ILRUN: variants seen among roughly 807,000 people sequenced by gnomAD.
ILRUN encodes the protein protein ILRUN.
Under a neutral mutation model 33.8 loss-of-function variants are expected in ILRUN, and 3 were observed. The observed-to-expected ratio is 0.09, with a 90% CI of 0.04 to 0.23. The LOEUF (loss-of-function observed/expected upper bound fraction) is 0.23, where lower values mean the gene tolerates loss of function less well. Among genes scored for constraint, ILRUN ranks in the 10% least tolerant of loss-of-function variants. ILRUN has a pLI of 1.00. For synonymous variants in ILRUN, 124 were observed against 138.9 expected (o/e 0.89, Z 0.75); for missense variants, 210 against 375.1 (o/e 0.56, Z 3.64).
In ILRUN at chr6:34,588,305, T is replaced by G; in HGVS notation, c.*2260A>C. ...GAAGCAAGAGGAAGAGCAAGACGAC[T>G]CTGGCAGGCCCAGACCCACTGACGG... On this transcript the variant is annotated 3_prime_UTR_variant, in exon 5 of 5. Transcript: ENST00000374023. 1 of 398,446 alleles carries G rather than the reference T, an allele frequency of 2.5e-6. No individual in the cohort carries two copies. The highest frequency in any genetic ancestry group is 4.4e-6 in the Non-Finnish European group (1 of 226,088). 24.7% of individuals were successfully genotyped at this position (398,446 alleles called of 1,614,324 possible).
Position 34,664,104 on chromosome 6 carries a change from G to A in ILRUN, c.159-9325C>T, listed in dbSNP as rs146006010. ...TCAAAAGGAACAGAGTGTTGATGAC[G>A]CCATGATTTTAGTGCAGAGACCATT... is the stretch of plus-strand genomic sequence containing the variant. On this transcript the variant is annotated intron_variant, in intron 1 of 4. Transcript: ENST00000374023. Among the ~76,000 whole-genome samples, 32 of 152,242 alleles carry A rather than the reference G, an allele frequency of 2.1e-4. No homozygotes were observed. The East Asian group carries it at 5.6e-3, about 27-fold the overall frequency.
At chr6:34,659,607 C>T (rs975256200) in intron 1 of ILRUN, among the ~76,000 whole-genome samples, 3 of 143,856 alleles carry the variant, frequency 2.1e-5, no homozygotes, top group Non-Finnish European at 3.0e-5. Flanking sequence ...TATATACATA[C>T]ATAAGGCAGT....
intron 3 of ILRUN, among the ~76,000 whole-genome samples, chr6:34,614,443 A>AAAAAAAAAAAAAAATAT (rs71000073): frequency 7.5e-6 from 1 of 133,598 alleles, no homozygotes; most frequent in African/African-American, 3.1e-5. Context: ...AAAAAAAAAA[A>AAAAAAAAAAAAAAATAT]ATATATATAT....
rs555990728 is a variant in ILRUN at position 34,619,285 on chromosome 6, T to C, written c.512-12381A>G. Among the ~76,000 whole-genome samples, 5 of 152,078 alleles carry C rather than the reference T, an allele frequency of 3.3e-5. No homozygotes were observed. In the East Asian group the frequency reaches 5.8e-4, roughly 18 times the overall value. On this transcript the variant is annotated intron_variant, in intron 3 of 4. Coordinates refer to ENST00000374023, the MANE Select transcript of ILRUN (RefSeq NM_024294.4). The stretch of plus-strand genomic sequence containing the variant: ...AACAACTCAAATGTTCATCAGTAGG[T>C]ACACAGAATATATATATATATAGAA...
At chr6:34,635,523 C>A (rs1250005423) in intron 3 of ILRUN, among the ~76,000 whole-genome samples, 2 of 138,998 alleles carry the variant, frequency 1.4e-5, no homozygotes, top group Admixed American at 7.8e-5. Flanking sequence ...CAGAGTGAGA[C>A]CCTGTCTGAA....
intron 3 of ILRUN, among the ~76,000 whole-genome samples, chr6:34,637,864 CTGT>C (rs57559266): frequency 0.041 from 5,800 of 141,972 alleles, 126 homozygotes; most frequent in South Asian, 0.082. Flanking sequence ...GCTGCTGCTG[CTGT>C]TGTTGTTGTT....
At chr6:34,623,643 A>C (rs541949337) in intron 3 of ILRUN, among the ~76,000 whole-genome samples, 6 of 152,364 alleles carry the variant, frequency 3.9e-5, no homozygotes, top group African/African-American at 1.4e-4. Context: ...GTTTAAGGAT[A>C]TGCAGGAAAT....
At chr6:34,682,252 T>A (rs1470061982) in intron 1 of ILRUN, among the ~76,000 whole-genome samples, 1 of 68,386 alleles carries the variant, frequency 1.5e-5, no homozygotes, top group Non-Finnish European at 2.6e-5. Context: ...GCAACCTCTG[T>A]TTTTTTTTTT....
chr6:34,623,765 A>G (rs191074065), intron 3 of ILRUN, among the ~76,000 whole-genome samples: 2 of 152,330 alleles, frequency 1.3e-5, no homozygotes, highest in East Asian at 3.9e-4. Context: ...AAAGGCTTAA[A>G]ATTTAAATAT....
chr6:34,669,097 G>A (rs1160894673), intron 1 of ILRUN, among the ~76,000 whole-genome samples: 1 of 151,772 alleles, frequency 6.6e-6, no homozygotes, highest in East Asian at 1.9e-4. Context: ...CACCCATCTT[G>A]GCCTCCCAAA....
At chr6:34,631,997 T>C (rs1444961935) in intron 3 of ILRUN, among the ~76,000 whole-genome samples, 1 of 152,154 alleles carries the variant, frequency 6.6e-6, no homozygotes, top group Non-Finnish European at 1.5e-5. Context: ...AAGTATTTAA[T>C]GTTAAGGGGA....
intron 4 of ILRUN, among the ~76,000 whole-genome samples, chr6:34,601,704 C>A (rs1561996963): frequency 4.2e-5 from 4 of 95,168 alleles, no homozygotes; most frequent in Admixed American, 1.0e-4. Flanking sequence ...CTCCAGTACC[C>A]GCCCCCCCAA....
chr6:34,665,936 T>A (rs1762987803), intron 1 of ILRUN, among the ~76,000 whole-genome samples: 1 of 150,758 alleles, frequency 6.6e-6, no homozygotes, highest in Non-Finnish European at 1.5e-5. Flanking sequence ...GTACCTTCAG[T>A]TTCATCTATG....
chr6:34,653,132 C>CA (rs947213125), intron 2 of ILRUN, among the ~76,000 whole-genome samples: 8,169 of 50,784 alleles, frequency 0.16, 1,104 homozygotes, highest in African/African-American at 0.38. Flanking sequence ...GACCTTGTCT[C>CA]AAAAAAAAAA....
At chr6:34,668,606 G>T (rs1234117838) in intron 1 of ILRUN, among the ~76,000 whole-genome samples, 5 of 152,146 alleles carry the variant, frequency 3.3e-5, no homozygotes, top group Non-Finnish European at 5.9e-5. Context: ...ATCTACAAAA[G>T]ATCACAAAAA....
intron 1 of ILRUN, among the ~76,000 whole-genome samples, chr6:34,668,875 G>A (rs1475668635): frequency 1.5e-5 from 2 of 137,892 alleles, no homozygotes; most frequent in Non-Finnish European, 3.1e-5. Context: ...ATGAAGTTTC[G>A]CTCTTGTCGC....
At chr6:34,606,236 A>G (rs1413419617) in intron 4 of ILRUN, among the ~76,000 whole-genome samples, 1 of 152,234 alleles carries the variant, frequency 6.6e-6, no homozygotes, top group Non-Finnish European at 1.5e-5. Context: ...AATATTTAGA[A>G]TAAATAATTG....
At position 34,646,487 on chromosome 6, in the gene ILRUN, TA is replaced by T; in HGVS notation, c.511+113del. 1.1e-6 allele frequency: 1 copy of T among 930,494 alleles called. No individual in the cohort carries two copies. 57.6% of individuals were successfully genotyped at this position (930,494 alleles called of 1,614,324 possible). On this transcript the variant is annotated intron_variant, in intron 3 of 4. Coordinates refer to ENST00000374023, the MANE Select transcript of ILRUN (RefSeq NM_024294.4). This position sits in a 1 kb window ranked among gnomAD's most constrained non-coding sequence, Gnocchi z 4.9. ...TCATTTACCTGCATGAGGTGACTGT[TA>T]AAAAGAGGCCATGCCCTGTTATGCA...
intron 2 of ILRUN, among the ~76,000 whole-genome samples, chr6:34,647,651 G>C (rs1216247259): frequency 6.6e-6 from 1 of 152,090 alleles, no homozygotes. Flanking sequence ...TGCAACCTCC[G>C]CCTTCTGGGT....
Sources: gnomAD v4.1 joint callset for allele counts (sites outside exome capture counted in the v4.1 genomes callset) on GRCh38, gnomAD v4.1.1 for gene constraint, Gnocchi (gnomAD v3.1) non-coding constraint, MANE v1.5 for transcripts, NCBI Gene and HGNC (gene_info 2026-07-23, HGNC 2026-07-21) for gene names.